ZHX3: variants seen among roughly 807,000 people sequenced by gnomAD.
ZHX3 encodes zinc fingers and homeoboxes protein 3.
A neutral mutation model predicts 64.5 loss-of-function variants in ZHX3; 20 were observed. The ratio of observed to expected loss-of-function variants is 0.31; its 90% confidence interval spans 0.22 to 0.45. The LOEUF is 0.45. Among genes scored for constraint, ZHX3 ranks in the 20% least tolerant of loss-of-function variants. The probability of loss-of-function intolerance (pLI) is 1.00; values close to 1 mark genes in which losing one functional copy is unlikely to be tolerated. For synonymous variants in ZHX3, 423 were observed against 461.6 expected (o/e 0.92, Z 1.07); for missense variants, 1,041 against 1,195.8 (o/e 0.87, Z 1.91).
chr20:41,181,476 A>G lies in ZHX3; in HGVS notation c.*3715T>C, dbSNP rs957698717. ...CTCTCCTCTCCTGCAAGTTGCCTTT[A>G]TCCACTTGGGGTGTGATATCTGAAC... On this transcript the variant is annotated 3_prime_UTR_variant, in exon 4 of 4. Transcript: ENST00000683867. The G allele has an allele frequency of 3.3e-5, 5 of 152,128 alleles. No individual in the cohort carries two copies. Among genetic ancestry groups the G allele is most frequent in the African/African-American group, 1.2e-4 (5 of 41,410 alleles). The allele number at this position is 152,128 out of a possible 1,614,324, so 9.4% of individuals were successfully genotyped here.
intron 3 of ZHX3, among the ~76,000 whole-genome samples, chr20:41,191,767 T>G (rs1243811178): frequency 6.6e-6 from 1 of 152,176 alleles, no homozygotes; most frequent in Non-Finnish European, 1.5e-5. Context: ...TGGCTATAAA[T>G]AGCATCAGTG....
Position 41,203,558 on chromosome 20 carries a change from C to G in ZHX3, c.1359G>C (p.Gln453His), listed in dbSNP as rs2038434948. Residue 453 changes from glutamine (Q) to histidine (H), a missense_variant, in exon 3 of 4, where the codon CAG becomes CAC. Physicochemically the swap from Gln to His is conservative, Grantham distance 24. Around this residue, in one of 4 missense-constraint regions of ZHX3, gnomAD observed 649 missense variants for 739.8 expected, o/e 0.88. Transcript: ENST00000683867. The surrounding 1 kb of genome is among the most constrained non-coding windows in gnomAD (Gnocchi z 7.1). ...LPLTVTSVPKQPGVAPINTVC... is the reference protein window; with the variant it reads ...LPLTVTSVPKHPGVAPINTVC... ...CAGTGTTAATGGGTGCCACACCTGG[C>G]TGCTTGGGGACGGATGTCACCGTGA... The G allele has an allele frequency of 1.2e-6, 2 of 1,614,186 alleles. No homozygotes were observed. Among genetic ancestry groups the G allele is most frequent in the Non-Finnish European group, 1.7e-6 (2 of 1,180,010 alleles).
intron 2 of ZHX3, 113 bp from the exon 3 acceptor site, chr20:41,205,179 T>C (rs1461005311): frequency 9.9e-6 from 4 of 404,592 alleles, no homozygotes; most frequent in Admixed American, 8.8e-5. Flanking sequence ...CTTTTCACAG[T>C]AAGTTTAATC....
chr20:41,243,153 G>A (rs1216985198), intron 2 of ZHX3, among the ~76,000 whole-genome samples: 1 of 152,146 alleles, frequency 6.6e-6, no homozygotes, highest in Non-Finnish European at 1.5e-5. Flanking sequence ...ATAAAATAAT[G>A]GGGAGTCAGA....
chr20:41,277,886 C>T (rs1320788218), intron 1 of ZHX3, among the ~76,000 whole-genome samples: 1 of 138,700 alleles, frequency 7.2e-6, no homozygotes, highest in Non-Finnish European at 1.6e-5. Context: ...CCACCACGCC[C>T]GGCCCCCTCC....
At chr20:41,259,013 T>G (rs912530111) in intron 2 of ZHX3, among the ~76,000 whole-genome samples, 2 of 152,134 alleles carry the variant, frequency 1.3e-5, no homozygotes, top group African/African-American at 4.8e-5. Context: ...AAAAACCACA[T>G]TTTCATTGTT....
intron 2 of ZHX3, among the ~76,000 whole-genome samples, chr20:41,237,199 G>A (rs1469530181): frequency 1.3e-5 from 2 of 152,238 alleles, no homozygotes; most frequent in East Asian, 3.8e-4. Flanking sequence ...GTGGAAGTCA[G>A]TGTGGCGATT....
intron 1 of ZHX3, among the ~76,000 whole-genome samples, chr20:41,299,305 G>A (rs1243862513): frequency 6.6e-6 from 1 of 151,936 alleles, no homozygotes; most frequent in African/African-American, 2.4e-5. Context: ...ATCAAAAAAG[G>A]CACAAGGATA....
intron 1 of ZHX3, among the ~76,000 whole-genome samples, chr20:41,285,308 T>G (rs1013229161): frequency 2.6e-5 from 4 of 152,212 alleles, no homozygotes; most frequent in African/African-American, 9.6e-5. Context: ...AATCATTTAC[T>G]TACTGAAGCC....
chr20:41,228,157 G>C lies in ZHX3; in HGVS notation c.-150-23091C>G, dbSNP rs2040385506. ...TCCAAAGGGAGCAAACTCATGCCCA[G>C]GACTTTGCAATCTCCTCTACCCAAG... On this transcript the variant is annotated intron_variant, in intron 2 of 3. Coordinates refer to ENST00000683867, the MANE Select transcript of ZHX3 (RefSeq NM_001384317.1). This position sits in a 1 kb window ranked among gnomAD's most constrained non-coding sequence, Gnocchi z 4.6. Among the ~76,000 whole-genome samples, 1 of 152,034 alleles carries C rather than the reference G, an allele frequency of 6.6e-6. No individual in the cohort carries two copies. Among genetic ancestry groups the C allele is most frequent in the Non-Finnish European group, 1.5e-5 (1 of 67,992 alleles).
At chr20:41,251,627 T>G (rs1204397421) in intron 2 of ZHX3, among the ~76,000 whole-genome samples, 1 of 151,768 alleles carries the variant, frequency 6.6e-6, no homozygotes, top group Non-Finnish European at 1.5e-5. Context: ...ACTGGCAGAG[T>G]AGAATAAAAA....
intron 2 of ZHX3, chr20:41,238,807 C>T (rs925336929): frequency 6.6e-6 from 1 of 151,994 alleles, no homozygotes; most frequent in Non-Finnish European, 1.5e-5. Context: ...CTAAAACACA[C>T]AAAATACAAG....
At chr20:41,311,592 C>T (rs982905656) in intron 1 of ZHX3, among the ~76,000 whole-genome samples, 1 of 152,216 alleles carries the variant, frequency 6.6e-6, no homozygotes, top group East Asian at 1.9e-4. Flanking sequence ...ATTTCATATT[C>T]ATTCATTCCT....
chr20:41,248,419 G>A (rs1178530931), intron 2 of ZHX3, among the ~76,000 whole-genome samples: 1 of 152,116 alleles, frequency 6.6e-6, no homozygotes, highest in Non-Finnish European at 1.5e-5. Context: ...GGAAATGTTT[G>A]CATTGCTGAA....
chr20:41,214,183 A>G (rs2039359134), intron 2 of ZHX3, among the ~76,000 whole-genome samples: 1 of 152,246 alleles, frequency 6.6e-6, no homozygotes, highest in Non-Finnish European at 1.5e-5. Flanking sequence ...ACCATTGACT[A>G]TAAGCAATTA....
At chr20:41,292,777 T>C (rs1284263017) in intron 1 of ZHX3, among the ~76,000 whole-genome samples, 1 of 152,276 alleles carries the variant, frequency 6.6e-6, no homozygotes, top group Non-Finnish European at 1.5e-5. Context: ...AACTGTTGAC[T>C]GTCTCTTTTC....
intron 2 of ZHX3, among the ~76,000 whole-genome samples, chr20:41,235,698 T>C (rs2040931588): frequency 6.6e-6 from 1 of 152,198 alleles, no homozygotes; most frequent in Admixed American, 6.5e-5. Flanking sequence ...GCATTCCCTT[T>C]GAAAACTGGC....
At chr20:41,310,897 C>A (rs2146838990) in intron 1 of ZHX3, among the ~76,000 whole-genome samples, 1 of 150,898 alleles carries the variant, frequency 6.6e-6, no homozygotes, top group South Asian at 2.1e-4. Flanking sequence ...CAACCTCCCC[C>A]TCCCAGGTTC....
In ZHX3 at chr20:41,201,191, C is replaced by T. The variant is rs1031744860; in HGVS notation, c.2860+866G>A. The T allele has an allele frequency of 1.3e-5, 11 of 845,514 alleles. No individual in the cohort carries two copies. Among genetic ancestry groups the T allele is most frequent in the Non-Finnish European group, 1.8e-5 (11 of 616,768 alleles). The allele number at this position is 845,514 out of a possible 1,614,324, so 52.4% of individuals were successfully genotyped here. A position where few individuals can be genotyped will look rare whatever the true frequency, so the allele number is the denominator to read the frequency against. On this transcript the variant is annotated intron_variant, in intron 3 of 3. Coordinates refer to ENST00000683867, the MANE Select transcript of ZHX3 (RefSeq NM_001384317.1). The surrounding 1 kb of genome is among the most constrained non-coding windows in gnomAD (Gnocchi z 5.0). ...AACACCACAAATAGTGTCTCCTGTA[C>T]CCCCTCCCACATTGCCAACTCAGCT...
Sources: allele counts gnomAD v4.1 joint callset (sites outside exome capture counted in the v4.1 genomes callset), GRCh38; gene constraint gnomAD v4.1.1; regional missense constraint gnomAD v4.1.1; non-coding constraint Gnocchi (gnomAD v3.1); transcripts MANE v1.5; gene names NCBI Gene and HGNC (gene_info 2026-07-23, HGNC 2026-07-21).